The following PARD3 variants were observed in gnomAD, a reference collection of about 807,000 sequenced individuals.
The protein encoded by PARD3 is partitioning defective 3 homolog.
A neutral mutation model predicts 155.4 loss-of-function variants in PARD3; 75 were observed. That is an observed-to-expected ratio of 0.48 (90% CI 0.40 to 0.58). PARD3 has a LOEUF of 0.58. PARD3 is among the 20% of genes least tolerant of loss of function. The pLI, the probability that PARD3 is intolerant of heterozygous loss-of-function variation, is 0.00. For missense variants in PARD3, 1,642 were observed against 1,721.7 expected, an observed-to-expected ratio of 0.95 and a Z score of 0.82; for synonymous variants, 576 against 610.5, an observed-to-expected ratio of 0.94 and a Z score of 0.83.
At chr10:34,398,916 C>A (rs995832489) in intron 7 of PARD3, among the ~76,000 whole-genome samples, 5 of 152,104 alleles carry the variant, frequency 3.3e-5, no homozygotes, top group Admixed American at 2.0e-4. Context: ...GAACTAAACA[C>A]AAATTTAAAG....
intron 1 of PARD3, among the ~76,000 whole-genome samples, chr10:34,716,005 T>C (rs2094514644): frequency 6.6e-6 from 1 of 152,232 alleles, no homozygotes; most frequent in Admixed American, 6.5e-5. Flanking sequence ...AGACTTTATC[T>C]AGGCCATCTG....
intron 14 of PARD3, among the ~76,000 whole-genome samples, chr10:34,352,787 C>G (rs1278600730): frequency 6.6e-6 from 1 of 152,112 alleles, no homozygotes; most frequent in Non-Finnish European, 1.5e-5. Context: ...AAGTGAGGAG[C>G]CTCTCTGCCT....
At chr10:34,600,840 G>C (rs931310878) in intron 2 of PARD3, among the ~76,000 whole-genome samples, 1 of 152,030 alleles carries the variant, frequency 6.6e-6, no homozygotes. Context: ...AGGCTGGAGT[G>C]CAGTGGCACC....
chr10:34,497,178 A>G (rs1347336519), intron 3 of PARD3, among the ~76,000 whole-genome samples: 1 of 152,234 alleles, frequency 6.6e-6, no homozygotes, highest in Non-Finnish European at 1.5e-5. Context: ...TTGGTTCCAC[A>G]TTCATGGATT....
chr10:34,594,289 A>T (rs1393901280), intron 2 of PARD3, among the ~76,000 whole-genome samples: 2 of 152,192 alleles, frequency 1.3e-5, no homozygotes, highest in African/African-American at 2.4e-5. Context: ...AATGACCCAC[A>T]GTTTCCACTT....
intron 1 of PARD3, among the ~76,000 whole-genome samples, chr10:34,718,650 C>A (rs148228797): frequency 1.3e-5 from 2 of 150,930 alleles, no homozygotes; most frequent in East Asian, 4.0e-4. Context: ...CACGACAAGA[C>A]TCTACTCTAT....
At chr10:34,348,725 G>C (rs2134375334) in intron 14 of PARD3, among the ~76,000 whole-genome samples, 1 of 152,244 alleles carries the variant, frequency 6.6e-6, no homozygotes, top group South Asian at 2.1e-4. Context: ...TTAAGTACAA[G>C]ATAGTAGCTG....
At chr10:34,658,120 T>C (rs1277191873) in intron 2 of PARD3, among the ~76,000 whole-genome samples, 2 of 149,504 alleles carry the variant, frequency 1.3e-5, no homozygotes, top group Admixed American at 1.3e-4. Context: ...CACTCCAGCC[T>C]GGGCGACAGA....
chr10:34,372,914 A>G (rs532864386), intron 11 of PARD3, among the ~76,000 whole-genome samples: 1 of 152,268 alleles, frequency 6.6e-6, no homozygotes, highest in Admixed American at 6.5e-5. Context: ...TGATAACTAG[A>G]CCAGATAATA....
At chr10:34,356,600 A>G (rs766402967) in intron 14 of PARD3, among the ~76,000 whole-genome samples, 6 of 152,250 alleles carry the variant, frequency 3.9e-5, no homozygotes, top group Admixed American at 6.5e-5. Context: ...AAGAAAACTC[A>G]GCACATTATT....
chr10:34,732,125 CATT>C (rs1215193019), intron 1 of PARD3, among the ~76,000 whole-genome samples: 1 of 152,128 alleles, frequency 6.6e-6, no homozygotes, highest in Non-Finnish European at 1.5e-5. Flanking sequence ...TACATACCAT[CATT>C]GAGATATGCA....
chr10:34,341,678 G>A lies in PARD3; in HGVS notation c.2357C>T (p.Thr786Met), dbSNP rs372172664. The change falls in exon 16 of 25, where the codon ACG (threonine) becomes ATG (methionine). Residue 786 changes from threonine (T) to methionine (M), a missense_variant. Coordinates refer to ENST00000374788, the MANE Select transcript of PARD3 (RefSeq NM_001184785.2). ...SSSHDDVGFVTADAGTWAKAA... is the reference protein window; with the variant it reads ...SSSHDDVGFVMADAGTWAKAA... ...CTTGGCCCAAGTACCAGCATCTGCC[G>A]TCACAAACCCCACATCATCATGGGA... 2.5e-5 allele frequency: 41 copies of A among 1,613,726 alleles called. No homozygotes were observed. The highest frequency in any genetic ancestry group is 1.6e-4 in the South Asian group (15 of 91,036).
Position 34,227,856 on chromosome 10 carries a change from TTATATATA to T in PARD3, c.3419+41793_3419+41800del, listed in dbSNP as rs55681930. On this transcript the variant is annotated intron_variant, in intron 22 of 24. Coordinates refer to ENST00000374788, the MANE Select transcript of PARD3 (RefSeq NM_001184785.2). Reference sequence around the variant, plus strand: ...TATTCCCAGTAATGGGAATTATTTTTTATATATATATATATATATATATATATACTGGG... The same window carrying T: ...TATTCCCAGTAATGGGAATTATTTTTTATATATATATATATATATACTGGG... Among the ~76,000 whole-genome samples, 17 of 82,242 alleles carry T rather than the reference TTATATATA, an allele frequency of 2.1e-4. 1 individual carries two copies. The highest frequency in any genetic ancestry group is 6.8e-3 in the Middle Eastern group (1 of 148). The allele number at this position is 82,242 out of a possible 152,430, so 54.0% of individuals were successfully genotyped here.
At chr10:34,735,566 AT>A (rs1249093111) in intron 1 of PARD3, among the ~76,000 whole-genome samples, 1 of 152,212 alleles carries the variant, frequency 6.6e-6, no homozygotes, top group African/African-American at 2.4e-5. Context: ...TATATTAAGC[AT>A]TCCATCTCCT....
At chr10:34,709,396 C>CA (rs1372185372) in intron 1 of PARD3, among the ~76,000 whole-genome samples, 3 of 152,116 alleles carry the variant, frequency 2.0e-5, no homozygotes, top group Non-Finnish European at 4.4e-5. Context: ...AACAGATGCT[C>CA]CACCTGTATA....
At chr10:34,561,647 T>C (rs2085482478) in intron 2 of PARD3, among the ~76,000 whole-genome samples, 1 of 151,888 alleles carries the variant, frequency 6.6e-6, no homozygotes, top group Admixed American at 6.6e-5. Flanking sequence ...GCCTCCCGAG[T>C]AGCTGGGATT....
chr10:34,755,526 C>G (rs1448147394), intron 1 of PARD3, among the ~76,000 whole-genome samples: 1 of 152,184 alleles, frequency 6.6e-6, no homozygotes, highest in Non-Finnish European at 1.5e-5. Flanking sequence ...CTTGAGAGGT[C>G]ATAACTTGGT....
intron 17 of PARD3, 77 bp downstream of exon 17, chr10:34,337,198 T>A (rs1317555753): frequency 2.2e-6 from 2 of 894,466 alleles, no homozygotes; most frequent in Non-Finnish European, 3.2e-6. Flanking sequence ...TAAACAGACA[T>A]CTGCTTGGGA....
At chr10:34,407,373 A>G (rs1844598266) in intron 5 of PARD3, among the ~76,000 whole-genome samples, 1 of 152,146 alleles carries the variant, frequency 6.6e-6, no homozygotes, top group Non-Finnish European at 1.5e-5. Flanking sequence ...CAGTCCTCAC[A>G]GCTGTGCAGG....
Sources: allele counts gnomAD v4.1 joint callset (sites outside exome capture counted in the v4.1 genomes callset), GRCh38; gene constraint gnomAD v4.1.1; transcripts MANE v1.5; gene names NCBI Gene and HGNC (gene_info 2026-07-23, HGNC 2026-07-21).